The following RTL4 variants were observed in gnomAD, a reference collection of about 807,000 sequenced individuals.
RTL4 encodes the protein retrotransposon Gag-like protein 4.
RTL4 carries 4 observed loss-of-function variants against 5.3 expected under a neutral mutation model. That is an observed-to-expected ratio of 0.75 (90% confidence interval 0.37 to 1.72). The LOEUF (loss-of-function observed/expected upper bound fraction) is 1.72. Among genes scored for constraint, RTL4 ranks in the 40% most tolerant of loss-of-function variants. The pLI is 0.04. For missense variants in RTL4, 260 were observed against 227.1 expected, an observed-to-expected ratio of 1.14 and a Z score of -0.93; for synonymous variants, 98 against 87.3, an observed-to-expected ratio of 1.12 and a Z score of -0.68.
At chrX:112,264,500 G>C in the RTL4 span, among the ~76,000 whole-genome samples, 1 of 112,222 alleles carries the variant, frequency 8.9e-6, no homozygotes, top group Non-Finnish European at 1.9e-5. Flanking sequence ...TCAGGAATGA[G>C]AATGGGCTAA....
chrX:112,175,135 T>C, the RTL4 span, among the ~76,000 whole-genome samples: 43 of 108,158 alleles, frequency 4.0e-4, 1 homozygote, highest in African/African-American at 1.4e-3. Flanking sequence ...TTTGGTATTT[T>C]AGACATGAAG....
the RTL4 span, among the ~76,000 whole-genome samples, chrX:112,445,108 C>A: frequency 9.0e-6 from 1 of 111,342 alleles, no homozygotes; most frequent in South Asian, 3.8e-4. Flanking sequence ...AAGGGCTTTA[C>A]AAAGGGGTCA....
chrX:112,200,736 G>A, the RTL4 span, among the ~76,000 whole-genome samples: 1 of 112,085 alleles, frequency 8.9e-6, no homozygotes, highest in African/African-American at 3.2e-5. Flanking sequence ...AGTCAGGGTG[G>A]AAACACCATT....
At chrX:112,099,579 C>T in the RTL4 span, among the ~76,000 whole-genome samples, 3 of 110,909 alleles carry the variant, frequency 2.7e-5, no homozygotes, top group Non-Finnish European at 5.7e-5. Flanking sequence ...GTGCTGGAGC[C>T]TAGGAAGTGG....
At chrX:112,317,215 C>G in the RTL4 span, among the ~76,000 whole-genome samples, 1 of 111,507 alleles carries the variant, frequency 9.0e-6, no homozygotes, top group Admixed American at 9.6e-5. Flanking sequence ...GTGGCGTGCA[C>G]CTGTAGTCCC....
the RTL4 span, among the ~76,000 whole-genome samples, chrX:112,347,337 G>T: frequency 8.9e-6 from 1 of 111,819 alleles, no homozygotes; most frequent in Non-Finnish European, 1.9e-5. Context: ...TGCAAAAGGG[G>T]AGAAATCATT....
the RTL4 span, among the ~76,000 whole-genome samples, chrX:112,326,590 C>A: frequency 1.8e-5 from 2 of 111,974 alleles, no homozygotes; most frequent in African/African-American, 6.5e-5. Context: ...GGGGCGCCCA[C>A]CATTGCCCAG....
chrX:112,343,926 C>A, the RTL4 span, among the ~76,000 whole-genome samples: 1 of 111,541 alleles, frequency 9.0e-6, no homozygotes, highest in East Asian at 2.8e-4. Flanking sequence ...TCTTTGAATT[C>A]TTAAATGCTC....
At chrX:112,311,479 C>G in the RTL4 span, among the ~76,000 whole-genome samples, 1 of 110,561 alleles carries the variant, frequency 9.0e-6, no homozygotes, top group Non-Finnish European at 1.9e-5. Context: ...AATTCTGATG[C>G]AGTAACCTCG....
chrX:112,316,419 G>T, the RTL4 span, among the ~76,000 whole-genome samples: 1 of 111,478 alleles, frequency 9.0e-6, no homozygotes, highest in Non-Finnish European at 1.9e-5. Flanking sequence ...AGGAGGACTG[G>T]ATTAGATAAT....
the RTL4 span, among the ~76,000 whole-genome samples, chrX:112,091,122 A>G: frequency 3.6e-5 from 4 of 111,304 alleles, no homozygotes; most frequent in Non-Finnish European, 7.6e-5. Flanking sequence ...TTCTGATTTT[A>G]TAATTTGAAT....
At chrX:112,455,144 C>A in exon 1 of RTL4, 1 of 1,211,495 alleles carries the variant, frequency 8.3e-7, no homozygotes, top group Non-Finnish European at 1.1e-6. Flanking sequence ...TTTGGTAAAC[C>A]CACAAAACAG....
At chrX:112,221,877 A>T in the RTL4 span, among the ~76,000 whole-genome samples, 5 of 112,679 alleles carry the variant, frequency 4.4e-5, no homozygotes, top group East Asian at 1.4e-3. Flanking sequence ...TGGTCTTGTT[A>T]CCTGTGAGCT....
chrX:112,455,022 C>T, exon 1 of RTL4: 1 of 1,211,701 alleles, frequency 8.3e-7, no homozygotes, highest in Non-Finnish European at 1.1e-6. Context: ...AGATCAAACT[C>T]TTTTTTGATT....
the RTL4 span, among the ~76,000 whole-genome samples, chrX:112,277,446 G>A: frequency 1.8e-5 from 2 of 111,538 alleles, no homozygotes; most frequent in Non-Finnish European, 3.8e-5. Context: ...AGAACTGGAG[G>A]GAATACAAGA....
the RTL4 span, among the ~76,000 whole-genome samples, chrX:112,370,176 CAAG>C: frequency 2.7e-5 from 3 of 110,820 alleles, no homozygotes; most frequent in Non-Finnish European, 5.7e-5. Context: ...AAAAAAGAAC[CAAG>C]AATTGGACCC....
the RTL4 span, among the ~76,000 whole-genome samples, chrX:112,138,479 T>C: frequency 8.9e-6 from 1 of 111,787 alleles, no homozygotes; most frequent in Non-Finnish European, 1.9e-5. Context: ...ATGCAATAGA[T>C]TGTAATGATG....
the RTL4 span, among the ~76,000 whole-genome samples, chrX:112,210,399 G>C: frequency 1.8e-3 from 204 of 112,007 alleles, no homozygotes; most frequent in Non-Finnish European, 2.7e-3. Context: ...CAGTGTTGTT[G>C]TTAAGATTAA....
the RTL4 span, among the ~76,000 whole-genome samples, chrX:112,099,772 G>A: frequency 3.6e-5 from 4 of 111,344 alleles, no homozygotes; most frequent in African/African-American, 6.5e-5. Flanking sequence ...ATAGTTTTAC[G>A]GAGAATGAAA....
Sources: allele counts gnomAD v4.1 joint callset (sites outside exome capture counted in the v4.1 genomes callset), GRCh38; gene constraint gnomAD v4.1.1; transcripts MANE v1.5; gene names NCBI Gene and HGNC (gene_info 2026-07-23, HGNC 2026-07-21).